The following ATP2B1 variants were observed in gnomAD, a reference collection of about 807,000 sequenced individuals.
The protein encoded by ATP2B1 is plasma membrane calcium-transporting ATPase 1.
In ATP2B1, 14 loss-of-function variants were observed where a neutral mutation model predicts 124.2. The ratio of observed to expected loss-of-function variants is 0.11; its 90% confidence interval spans 0.07 to 0.18. ATP2B1 has a LOEUF of 0.18. Among genes scored for constraint, ATP2B1 ranks in the 10% least tolerant of loss-of-function variants. The pLI, the probability that ATP2B1 is intolerant of heterozygous loss-of-function variation, is 1.00. For missense variants in ATP2B1, 763 were observed against 1,466.1 expected, an observed-to-expected ratio of 0.52 and a Z score of 7.83; for synonymous variants, 449 against 492.4, an observed-to-expected ratio of 0.91 and a Z score of 1.17.
At chr12:89,709,227 G>C (rs1191825821), upstream of ATP2B1, 1 of 151,296 alleles carries the variant, frequency 6.6e-6, no homozygotes, top group Non-Finnish European at 1.5e-5. Flanking sequence ...ACCCGTTCCG[G>C]TCTGGCGCTC....
At chr12:89,681,264 T>C (rs1429105762) in intron 1 of ATP2B1, among the ~76,000 whole-genome samples, 4 of 152,136 alleles carry the variant, frequency 2.6e-5, no homozygotes, top group Non-Finnish European at 4.4e-5. Context: ...TAAAGACTTC[T>C]ATGAAAATAA....
At chr12:89,652,627 C>T (rs1054999354) in intron 2 of ATP2B1, among the ~76,000 whole-genome samples, 3 of 152,218 alleles carry the variant, frequency 2.0e-5, no homozygotes, top group Non-Finnish European at 2.9e-5. Context: ...CATTTATTAC[C>T]ATTTGTATGC....
intron 1 of ATP2B1, among the ~76,000 whole-genome samples, chr12:89,679,549 T>C (rs182578500): frequency 6.6e-6 from 1 of 152,142 alleles, no homozygotes; most frequent in East Asian, 1.9e-4. Flanking sequence ...TCATAAGAAG[T>C]ACAAATAAAA....
intron 1 of ATP2B1, among the ~76,000 whole-genome samples, chr12:89,683,127 C>CT (rs1158135444): frequency 6.6e-6 from 1 of 152,198 alleles, no homozygotes; most frequent in Non-Finnish European, 1.5e-5. Context: ...AATATCATCT[C>CT]TCATCATTCA....
chr12:89,604,979 A>G (rs1211501330), intron 15 of ATP2B1, among the ~76,000 whole-genome samples: 1 of 152,130 alleles, frequency 6.6e-6, no homozygotes, highest in East Asian at 1.9e-4. Context: ...CTTCAAACTA[A>G]TAACAATGTC....
intron 7 of ATP2B1, 80 bp from the exon 8 acceptor site, chr12:89,626,695 T>C: frequency 6.8e-7 from 1 of 1,463,212 alleles, no homozygotes; most frequent in Non-Finnish European, 9.0e-7. Flanking sequence ...ATTTTAAAAA[T>C]CAGTTTCTTA....
chr12:89,616,369 G>A (rs1413781176), intron 12 of ATP2B1, among the ~76,000 whole-genome samples: 1 of 152,094 alleles, frequency 6.6e-6, no homozygotes, highest in African/African-American at 2.4e-5. Flanking sequence ...TCTTTTAGTT[G>A]CACTAGCCAC....
intron 2 of ATP2B1, among the ~76,000 whole-genome samples, chr12:89,653,715 G>A (rs1432530075): frequency 6.6e-6 from 1 of 152,120 alleles, no homozygotes; most frequent in Non-Finnish European, 1.5e-5. Context: ...CTGTACTAGA[G>A]GTAAAATTTT....
At chr12:89,683,352 A>T (rs1278472052) in intron 1 of ATP2B1, among the ~76,000 whole-genome samples, 1 of 152,228 alleles carries the variant, frequency 6.6e-6, no homozygotes, top group East Asian at 1.9e-4. Flanking sequence ...ATATCACAGA[A>T]GCAACATTAT....
At chr12:89,706,538 T>C (rs1287063115) in intron 1 of ATP2B1, among the ~76,000 whole-genome samples, 1 of 152,076 alleles carries the variant, frequency 6.6e-6, no homozygotes, top group Non-Finnish European at 1.5e-5. Flanking sequence ...AAATCAAAAC[T>C]AGTTTCTCAT....
intron 7 of ATP2B1, 54 bp from the exon 8 acceptor site, chr12:89,626,669 T>C (rs1880919503): frequency 6.6e-7 from 1 of 1,505,044 alleles, no homozygotes; most frequent in Non-Finnish European, 8.8e-7. Flanking sequence ...CATATCACTA[T>C]TAACATTTTA....
Position 89,590,212 on chromosome 12 carries a change from G to A in ATP2B1, c.*772C>T, listed in dbSNP as rs954037294. ...GCTTCAAAACCATTAAGTAGTAAATGTATTTAAGAAACTAATTAGGACAGA... is the reference window on the plus strand; with the variant it reads ...GCTTCAAAACCATTAAGTAGTAAATATATTTAAGAAACTAATTAGGACAGA... On this transcript the variant is annotated 3_prime_UTR_variant, in exon 21 of 21. Transcript: ENST00000428670. 1 of 152,434 alleles carries A rather than the reference G, an allele frequency of 6.6e-6. No homozygotes were observed. The highest frequency in any genetic ancestry group is 1.5e-5 in the Non-Finnish European group (1 of 67,998). The allele number at this position is 152,434 out of a possible 1,614,324, so 9.4% of individuals were successfully genotyped here.
intron 1 of ATP2B1, among the ~76,000 whole-genome samples, chr12:89,704,923 T>C (rs1352162845): frequency 6.6e-6 from 1 of 152,204 alleles, no homozygotes; most frequent in African/African-American, 2.4e-5. Flanking sequence ...TACCGTATTC[T>C]GAAAAATACA....
chr12:89,684,911 T>C lies in ATP2B1; in HGVS notation c.-222+23685A>G, dbSNP rs566754653. On this transcript the variant is annotated intron_variant, in intron 1 of 20. Transcript: ENST00000428670. The stretch of plus-strand genomic sequence containing the variant: ...AGTTGTATTTCTACAGAAAAATTCA[T>C]TTCAATTTCTAAACCAATGAAAGAG... 9.2e-5 allele frequency among the ~76,000 whole-genome samples: 14 copies of C among 152,312 alleles called. No individual in the cohort carries two copies. The South Asian group carries it at 2.7e-3, about 29-fold the overall frequency.
At chr12:89,653,011 G>A (rs1592871407) in intron 2 of ATP2B1, among the ~76,000 whole-genome samples, 1 of 152,122 alleles carries the variant, frequency 6.6e-6, no homozygotes, top group Non-Finnish European at 1.5e-5. Context: ...TTACAGGTGC[G>A]AGCCACTGCA....
In ATP2B1 at chr12:89,617,005, T is replaced by C; in HGVS notation, c.1864A>G (p.Lys622Glu). 1.9e-6 allele frequency: 3 copies of C among 1,614,086 alleles called. No individual in the cohort carries two copies. The highest frequency in any genetic ancestry group is 2.2e-5 in the East Asian group (1 of 44,878). The part of the protein sequence containing the change: ...FKILSANGEA[K>E]VFRPRDRDDI... ...TCACGGTCCCTTGGTCTGAATACTT[T>C]TGCCTCACCATTAGCACTCAAGATT... The change falls in exon 12 of 21, where the codon AAA (lysine) becomes GAA (glutamate). Residue 622 changes from lysine (K) to glutamate (E), a missense_variant. By Grantham distance (56) the Lys-to-Glu change is moderately conservative (BLOSUM62 1). Around this residue, in one of 7 missense-constraint regions of ATP2B1, gnomAD observed 392 missense variants for 776.6 expected, o/e 0.50. Coordinates refer to ENST00000428670, the MANE Select transcript of ATP2B1 (RefSeq NM_001366521.1).
chr12:89,699,536 G>A (rs1435046682), intron 1 of ATP2B1, among the ~76,000 whole-genome samples: 1 of 152,136 alleles, frequency 6.6e-6, no homozygotes, highest in African/African-American at 2.4e-5. Flanking sequence ...TACAAATTTT[G>A]TTAAAAGCCA....
intron 18 of ATP2B1, 37 bp from the exon 19 acceptor site, chr12:89,601,470 T>A: frequency 7.4e-7 from 1 of 1,345,940 alleles, no homozygotes; most frequent in Non-Finnish European, 1.0e-6. Flanking sequence ...ACTTAAATCT[T>A]AAATTTTAAA....
intron 20 of ATP2B1, among the ~76,000 whole-genome samples, chr12:89,592,934 T>C (rs887546759): frequency 1.3e-5 from 2 of 151,418 alleles, no homozygotes; most frequent in African/African-American, 2.4e-5. Flanking sequence ...TGCTGGTCCA[T>C]GATCCACACT....
Sources: allele counts gnomAD v4.1 joint callset (sites outside exome capture counted in the v4.1 genomes callset), GRCh38; gene constraint gnomAD v4.1.1; regional missense constraint gnomAD v4.1.1; transcripts MANE v1.5; gene names NCBI Gene and HGNC (gene_info 2026-07-23, HGNC 2026-07-21).